The following ANKRD31 variants were observed in gnomAD, a reference collection of about 807,000 sequenced individuals.
The protein encoded by ANKRD31 is ankyrin repeat domain-containing protein 31.
In ANKRD31, 147 loss-of-function variants were observed where a neutral mutation model predicts 186.0. The ratio of observed to expected loss-of-function variants is 0.79; its 90% CI spans 0.69 to 0.91. The LOEUF (loss-of-function observed/expected upper bound fraction) is 0.91, where lower values mean the gene tolerates loss of function less well. ANKRD31 is among the 40% of genes least tolerant of loss of function. The pLI, the probability that ANKRD31 is intolerant of heterozygous loss-of-function variation, is 0.00. For synonymous variants in ANKRD31, 673 were observed against 736.4 expected, an observed-to-expected ratio of 0.91 and a Z score of 1.39; for missense variants, 1,986 against 2,148.8, an observed-to-expected ratio of 0.92 and a Z score of 1.50.
intron 11 of ANKRD31, among the ~76,000 whole-genome samples, chr5:75,159,669 T>A (rs1300601861): frequency 9.6e-5 from 14 of 146,356 alleles, no homozygotes; most frequent in South Asian, 2.1e-4. Flanking sequence ...CATTCACAGA[T>A]AAAAAAAAAA....
chr5:75,217,714 G>A (rs1437661692), intron 3 of ANKRD31, among the ~76,000 whole-genome samples: 2 of 152,200 alleles, frequency 1.3e-5, no homozygotes, highest in Middle Eastern at 3.4e-3. Context: ...TATCCCACTT[G>A]CCACTCTGTG....
Position 75,068,610 on chromosome 5 carries a change from A to G in ANKRD31, c.5702T>C (p.Ile1901Thr). ...AAATTCTTGATCACTGATTAATAGT[A>G]TTTCATTTATTTGTAGATAACGTGG... ...SSPRYLQINEILLISDQEFLP... is the reference protein window; with the variant it reads ...SSPRYLQINETLLISDQEFLP... Residue 1901 changes from isoleucine (I) to threonine (T), a missense_variant, in exon 26 of 26, where the codon ATA (isoleucine) becomes ACA (threonine). By Grantham distance (89) the Ile-to-Thr change is moderately conservative. Transcript: ENST00000506364. 1.3e-6 allele frequency: 2 copies of G among 1,522,806 alleles called. No individual in the cohort carries two copies. The highest frequency in any genetic ancestry group is 1.8e-6 in the Non-Finnish European group (2 of 1,140,818). 94.3% of individuals were successfully genotyped at this position (1,522,806 alleles called of 1,614,324 possible). A position where few individuals can be genotyped will look rare whatever the true frequency, so the allele number is the denominator to read the frequency against.
intron 11 of ANKRD31, among the ~76,000 whole-genome samples, chr5:75,156,124 T>G (rs1752152718): frequency 6.6e-6 from 1 of 152,064 alleles, no homozygotes; most frequent in African/African-American, 2.4e-5. Flanking sequence ...AGGCTGGTCT[T>G]GAACTTCTAA....
At chr5:75,145,832 C>G (rs1230797346) in intron 14 of ANKRD31, among the ~76,000 whole-genome samples, 155 bp downstream of exon 14, 1 of 152,072 alleles carries the variant, frequency 6.6e-6, no homozygotes, top group Non-Finnish European at 1.5e-5. Context: ...ATCACTGTTA[C>G]TTAACTACTA....
At chr5:75,129,721 T>C (rs186073454) in intron 17 of ANKRD31, among the ~76,000 whole-genome samples, 327 of 152,324 alleles carry the variant, frequency 2.1e-3, no homozygotes, top group Non-Finnish European at 3.2e-3. Context: ...GCATGAGCGA[T>C]GCAGAAGATG....
At chr5:75,177,304 ACT>A (rs1246688809) in intron 10 of ANKRD31, among the ~76,000 whole-genome samples, 2 of 152,212 alleles carry the variant, frequency 1.3e-5, no homozygotes, top group African/African-American at 4.8e-5. Flanking sequence ...GTTGGAAAAC[ACT>A]CTGCAGGATA....
At chr5:75,133,304 G>C (rs1361533167) in intron 17 of ANKRD31, among the ~76,000 whole-genome samples, 1 of 151,904 alleles carries the variant, frequency 6.6e-6, no homozygotes, top group Admixed American at 6.6e-5. Context: ...CAAAATAAAA[G>C]GATGGAGGAA....
intron 25 of ANKRD31, among the ~76,000 whole-genome samples, chr5:75,072,428 A>T (rs1744310041): frequency 6.6e-6 from 1 of 152,010 alleles, no homozygotes; most frequent in Non-Finnish European, 1.5e-5. Context: ...ATTCATAGCT[A>T]TTTTGGACCA....
At chr5:75,227,300 G>T (rs910065909) in intron 2 of ANKRD31, among the ~76,000 whole-genome samples, 6 of 152,148 alleles carry the variant, frequency 3.9e-5, no homozygotes, top group African/African-American at 1.4e-4. Context: ...GGCTGAGAAG[G>T]ATGTAGGGAT....
At chr5:75,121,292 G>A (rs1425378624) in intron 17 of ANKRD31, among the ~76,000 whole-genome samples, 2 of 151,828 alleles carry the variant, frequency 1.3e-5, no homozygotes, top group Admixed American at 1.3e-4. Context: ...CAACACTGGA[G>A]CACCCAGATT....
chr5:75,232,714 T>C (rs2150324729), intron 1 of ANKRD31, among the ~76,000 whole-genome samples: 1 of 152,304 alleles, frequency 6.6e-6, no homozygotes, highest in South Asian at 2.1e-4. Flanking sequence ...GTGAACTTTA[T>C]GTAAATTCCT....
intron 3 of ANKRD31, among the ~76,000 whole-genome samples, chr5:75,212,738 C>T (rs932680264): frequency 2.0e-5 from 3 of 152,206 alleles, no homozygotes; most frequent in Admixed American, 6.5e-5. Flanking sequence ...TAAGAGTTCA[C>T]AACCTACTGG....
At position 75,146,423 on chromosome 5, in the gene ANKRD31, A is replaced by G. The variant is rs1281483656; in HGVS notation, c.2988T>C (p.Pro996=). The G allele has an allele frequency of 1.3e-6, 2 of 1,536,538 alleles. No individual in the cohort carries two copies. The highest frequency in any genetic ancestry group is 1.7e-6 in the Non-Finnish European group (2 of 1,146,478). ...GATTGCCATTTGAGTGATCAAAAGA[A>G]GGTCCAAATATGCATTGTTCATAAT... ...VANYEQCIFG[P]SFDHSNGNPE... The change falls in exon 14 of 26, where the codon CCT becomes CCC. Residue 996 remains proline, a synonymous_variant. Coordinates refer to ENST00000506364, the MANE Select transcript of ANKRD31 (RefSeq NM_001372053.1).
chr5:75,223,244 C>G (rs1757414488), intron 2 of ANKRD31, among the ~76,000 whole-genome samples: 1 of 152,032 alleles, frequency 6.6e-6, no homozygotes, highest in Non-Finnish European at 1.5e-5. Context: ...AATTTCTTAA[C>G]TGCCACTTTT....
chr5:75,077,182 C>T (rs1054524424), intron 25 of ANKRD31, among the ~76,000 whole-genome samples: 1 of 152,130 alleles, frequency 6.6e-6, no homozygotes, highest in Non-Finnish European at 1.5e-5. Context: ...GATTCTCCTG[C>T]CTCAGCCTCC....
intron 23 of ANKRD31, among the ~76,000 whole-genome samples, chr5:75,086,627 G>A (rs1449244573): frequency 1.3e-5 from 2 of 152,226 alleles, no homozygotes; most frequent in Non-Finnish European, 2.9e-5. Context: ...GCAGCTGATA[G>A]GATGCCAGAT....
intron 6 of ANKRD31, among the ~76,000 whole-genome samples, chr5:75,196,624 T>G (rs1755485483): frequency 6.6e-6 from 1 of 152,180 alleles, no homozygotes; most frequent in Non-Finnish European, 1.5e-5. Flanking sequence ...GGAATAAAAT[T>G]TCACCTTCTT....
intron 20 of ANKRD31, among the ~76,000 whole-genome samples, chr5:75,108,642 T>C (rs1026293841): frequency 6.6e-6 from 1 of 152,128 alleles, no homozygotes; most frequent in East Asian, 1.9e-4. Context: ...AGAATTTGTT[T>C]TAGAAATTCC....
intron 18 of ANKRD31, 50 bp from the exon 19 acceptor site, chr5:75,116,731 T>C (rs1440819753): frequency 1.8e-6 from 2 of 1,096,432 alleles, no homozygotes; most frequent in Admixed American, 5.8e-5. Flanking sequence ...AAAAATATAG[T>C]TTCATTTTTC....
Sources: gnomAD v4.1 joint callset for allele counts (sites outside exome capture counted in the v4.1 genomes callset) on GRCh38, gnomAD v4.1.1 for gene constraint, MANE v1.5 for transcripts, NCBI Gene and HGNC (gene_info 2026-07-23, HGNC 2026-07-21) for gene names.